The following POPDC1 variants were observed in gnomAD, a reference collection of about 807,000 sequenced individuals.
POPDC1 encodes the protein popeye domain cAMP effector 1.
At chr6:105,125,272 C>G in the POPDC1 span, 3 of 1,234,612 alleles carry the variant, frequency 2.4e-6, no homozygotes, top group Non-Finnish European at 3.4e-6. Context: ...CCACCAACAA[C>G]AAACTCTGTG....
chr6:105,124,417 A>G, the POPDC1 span: 1 of 623,990 alleles, frequency 1.6e-6, no homozygotes, highest in Non-Finnish European at 2.8e-6. Flanking sequence ...AAGAGACAAT[A>G]CTATATATGC....
At chr6:105,130,836 T>C in the POPDC1 span, among the ~76,000 whole-genome samples, 1 of 152,324 alleles carries the variant, frequency 6.6e-6, no homozygotes, top group Non-Finnish European at 1.5e-5. Flanking sequence ...CGTTATACGA[T>C]GCATAACTGT....
chr6:105,126,387 G>C, the POPDC1 span, among the ~76,000 whole-genome samples: 1 of 150,688 alleles, frequency 6.6e-6, no homozygotes, highest in East Asian at 1.9e-4. Context: ...AACTATGATC[G>C]CACCATTGCA....
the POPDC1 span, among the ~76,000 whole-genome samples, chr6:105,102,879 T>C: frequency 6.6e-6 from 1 of 152,220 alleles, no homozygotes; most frequent in Non-Finnish European, 1.5e-5. Flanking sequence ...TCGCTGTATA[T>C]ATACGGAAAT....
the POPDC1 span, among the ~76,000 whole-genome samples, chr6:105,107,912 A>C: frequency 2.0e-5 from 3 of 152,194 alleles, no homozygotes; most frequent in African/African-American, 7.2e-5. Flanking sequence ...CTGAACAATA[A>C]TACTAAAGAG....
the POPDC1 span, among the ~76,000 whole-genome samples, chr6:105,115,278 C>T: frequency 6.6e-6 from 1 of 152,080 alleles, no homozygotes; most frequent in African/African-American, 2.4e-5. Flanking sequence ...TTAGTAGAGA[C>T]GGGGTTTCAC....
At chr6:105,105,765 C>G in the POPDC1 span, among the ~76,000 whole-genome samples, 5 of 152,100 alleles carry the variant, frequency 3.3e-5, no homozygotes, top group Non-Finnish European at 5.9e-5. Flanking sequence ...TGATAGATAT[C>G]AGAAATTTGC....
chr6:105,117,552 G>A, the POPDC1 span, among the ~76,000 whole-genome samples: 1 of 152,144 alleles, frequency 6.6e-6, no homozygotes, highest in Admixed American at 6.6e-5. Flanking sequence ...ATAACTGCAC[G>A]AAACAGAGCT....
chr6:105,119,201 A>AG, the POPDC1 span, among the ~76,000 whole-genome samples: 2 of 151,630 alleles, frequency 1.3e-5, no homozygotes, highest in African/African-American at 2.4e-5. Context: ...AAAAAAAAAA[A>AG]AAAGTAGTGG....
At chr6:105,115,188 G>A in the POPDC1 span, among the ~76,000 whole-genome samples, 3 of 152,228 alleles carry the variant, frequency 2.0e-5, no homozygotes, top group Non-Finnish European at 4.4e-5. Flanking sequence ...CCAGGTTCAC[G>A]CCATTCTCCT....
At chr6:105,099,550 G>C in the POPDC1 span, 4 of 152,182 alleles carry the variant, frequency 2.6e-5, no homozygotes, top group Admixed American at 6.5e-5. Flanking sequence ...TCCTGGCCAA[G>C]TGCCACAGCC....
chr6:105,110,542 C>T, the POPDC1 span, among the ~76,000 whole-genome samples: 6,566 of 152,192 alleles, frequency 0.043, 472 homozygotes, highest in African/African-American at 0.15. Context: ...TGGCTTTTTG[C>T]GTCTTTCCAG....
At chr6:105,125,707 G>A in the POPDC1 span, 1 of 871,488 alleles carries the variant, frequency 1.1e-6, no homozygotes, top group Non-Finnish European at 1.8e-6. Flanking sequence ...TCTGTATTTA[G>A]GCCAATAGAA....
At chr6:105,131,949 T>C in the POPDC1 span, among the ~76,000 whole-genome samples, 42 of 151,868 alleles carry the variant, frequency 2.8e-4, no homozygotes, top group East Asian at 7.0e-3. Context: ...CAGCCTCTTT[T>C]TCCTTGTCAT....
chr6:105,124,425 T>C, the POPDC1 span: 31 of 630,628 alleles, frequency 4.9e-5, no homozygotes, highest in East Asian at 9.5e-4. Context: ...ATACTATATA[T>C]GCCCTATGGT....
the POPDC1 span, among the ~76,000 whole-genome samples, chr6:105,119,682 TGAA>T: frequency 5.9e-5 from 9 of 152,060 alleles, no homozygotes; most frequent in Non-Finnish European, 1.2e-4. Flanking sequence ...AAAGAGTGGG[TGAA>T]GGAGTTAAAA....
At chr6:105,105,109 A>G in the POPDC1 span, among the ~76,000 whole-genome samples, 2 of 152,198 alleles carry the variant, frequency 1.3e-5, no homozygotes, top group African/African-American at 4.8e-5. Context: ...AAGGGCCTGG[A>G]AAGATGGAAT....
chr6:105,135,700 G>A, the POPDC1 span, among the ~76,000 whole-genome samples: 60 of 151,966 alleles, frequency 3.9e-4, no homozygotes, highest in Admixed American at 1.8e-3. Context: ...ATGTTTTGAC[G>A]CACGACACCT....
the POPDC1 span, among the ~76,000 whole-genome samples, chr6:105,110,688 A>ATTTTTTTGCAT: frequency 6.6e-6 from 1 of 151,050 alleles, no homozygotes; most frequent in Admixed American, 6.6e-5. Flanking sequence ...CCACAACAGC[A>ATTTTTTTGCAT]TTTTTTTTTC....
Sources: gnomAD v4.1 joint callset for allele counts (sites outside exome capture counted in the v4.1 genomes callset) on GRCh38, gnomAD v4.1.1 for gene constraint, MANE v1.5 for transcripts, NCBI Gene and HGNC (gene_info 2026-07-23, HGNC 2026-07-21) for gene names.